Variants in SORBS2 observed in about 807,000 individuals in gnomAD.
The protein encoded by SORBS2 is sorbin and SH3 domain-containing protein 2.
Under a neutral mutation model 97.7 loss-of-function variants are expected in SORBS2, and 46 were observed. That is an observed-to-expected ratio of 0.47 (90% CI 0.37 to 0.60). The LOEUF is 0.60. SORBS2 is among the 20% of genes least tolerant of loss of function. The pLI is 0.00. For synonymous variants in SORBS2, 476 were observed against 473.4 expected, an observed-to-expected ratio of 1.01 and a Z score of -0.07; for missense variants, 1,316 against 1,282.3, an observed-to-expected ratio of 1.03 and a Z score of -0.40.
chr4:185,941,918 C>A (rs986801426), intron 1 of SORBS2, among the ~76,000 whole-genome samples: 3 of 152,036 alleles, frequency 2.0e-5, no homozygotes. Context: ...GAGATCGAGA[C>A]CAGCCTGGCC....
At chr4:185,780,422 G>A (rs1026289224) in intron 1 of SORBS2, among the ~76,000 whole-genome samples, 4 of 152,148 alleles carry the variant, frequency 2.6e-5, no homozygotes, top group African/African-American at 7.2e-5. Context: ...GCAAGCATCC[G>A]TCGGGTCATC....
chr4:185,925,747 T>C (rs2099263302), intron 1 of SORBS2, among the ~76,000 whole-genome samples: 1 of 152,126 alleles, frequency 6.6e-6, no homozygotes. Flanking sequence ...TTACCTCCTC[T>C]CAGAGTTACG....
At chr4:185,856,760 A>T (rs2099220741) in intron 1 of SORBS2, among the ~76,000 whole-genome samples, 1 of 152,154 alleles carries the variant, frequency 6.6e-6, no homozygotes, top group Non-Finnish European at 1.5e-5. Flanking sequence ...TTTATAAAGG[A>T]AAGAGGTTTA....
rs72052066 is a variant in SORBS2, at chr4:185,952,031, CT to C, written c.-338+4164del. The stretch of plus-strand genomic sequence containing the variant: ...TGGTAGAAGAAAGTTAAAATAGCTT[CT>C]TTTTTTTTTTTTTGATAGAGTCTCA... On this transcript the variant is annotated intron_variant, in intron 1 of 20. Transcript: ENST00000284776. Among the ~76,000 whole-genome samples, 298 of 127,546 alleles carry C rather than the reference CT, an allele frequency of 2.3e-3. 1 individual carries two copies. The highest frequency in any genetic ancestry group is 0.012 in the East Asian group (62 of 5,002). 83.7% of individuals were successfully genotyped at this position (127,546 alleles called of 152,430 possible). A position where few individuals can be genotyped will look rare whatever the true frequency, so the allele number is the denominator to read the frequency against.
intron 1 of SORBS2, among the ~76,000 whole-genome samples, chr4:185,887,323 C>T (rs2099240177): frequency 1.3e-5 from 2 of 152,190 alleles, no homozygotes; most frequent in South Asian, 2.1e-4. Context: ...AGCGAAATTA[C>T]AGTGTTTGAA....
At chr4:185,932,256 A>G (rs190228938) in intron 1 of SORBS2, among the ~76,000 whole-genome samples, 36 of 151,764 alleles carry the variant, frequency 2.4e-4, no homozygotes, top group Admixed American at 1.2e-3. Context: ...CAGTGGAGGG[A>G]AAAAAGGATG....
chr4:185,619,988 G>A (rs116474135), intron 8 of SORBS2, 75 bp downstream of exon 20: 16,922 of 882,158 alleles, frequency 0.019, 219 homozygotes, highest in Non-Finnish European at 0.024. Context: ...TTACTGGTTT[G>A]GGATAATTTT....
chr4:185,864,866 G>C (rs1869622), intron 1 of SORBS2, among the ~76,000 whole-genome samples: 59,508 of 150,586 alleles, frequency 0.4, 13,102 homozygotes, highest in African/African-American at 0.59. Flanking sequence ...GAGCTGAGAC[G>C]AAGCCACTGC....
chr4:185,852,218 A>T (rs1353931510), intron 1 of SORBS2, among the ~76,000 whole-genome samples: 16 of 152,196 alleles, frequency 1.1e-4, no homozygotes. Flanking sequence ...TATTTTTTAC[A>T]TTCTAACACA....
chr4:185,839,569 G>A (rs1369214556), intron 1 of SORBS2, among the ~76,000 whole-genome samples: 1 of 152,160 alleles, frequency 6.6e-6, no homozygotes, highest in Non-Finnish European at 1.5e-5. Flanking sequence ...AGGAGGCCTG[G>A]GGAGAGCTTA....
At chr4:185,657,647 T>C (rs1219012828), upstream of SORBS2, 14 of 1,510,026 alleles carry the variant, frequency 9.3e-6, no homozygotes, top group Non-Finnish European at 1.2e-5. Context: ...CAGGGAATCA[T>C]AAATTCATGT....
chr4:185,887,560 A>T (rs1313772229), intron 1 of SORBS2, among the ~76,000 whole-genome samples: 2 of 152,226 alleles, frequency 1.3e-5, no homozygotes, highest in Admixed American at 1.3e-4. Flanking sequence ...ATTTTGTGGT[A>T]TGTTAAAAAT....
intron 1 of SORBS2, among the ~76,000 whole-genome samples, chr4:185,870,431 G>C (rs1167636106): frequency 6.6e-6 from 1 of 152,204 alleles, no homozygotes; most frequent in East Asian, 1.9e-4. Flanking sequence ...AGGCTTATTT[G>C]AAATAATTGG....
exon 7 of SORBS2, chr4:185,624,184 C>T (rs2096770128): frequency 6.2e-7 from 1 of 1,614,256 alleles, no homozygotes; most frequent in East Asian, 2.2e-5. Context: ...TGGAGTCCTC[C>T]TCACATAACA....
At chr4:185,951,841 T>G (rs2099277356) in intron 1 of SORBS2, among the ~76,000 whole-genome samples, 1 of 152,184 alleles carries the variant, frequency 6.6e-6, no homozygotes, top group Admixed American at 6.6e-5. Context: ...ATCGGGTTAG[T>G]GAGTTGAACA....
intron 1 of SORBS2, among the ~76,000 whole-genome samples, chr4:185,918,847 T>C (rs2099259584): frequency 6.6e-6 from 1 of 152,244 alleles, no homozygotes; most frequent in African/African-American, 2.4e-5. Flanking sequence ...TAGATGTTCA[T>C]GAAGATTTAC....
At chr4:185,825,209 TTTG>T (rs1439782434) in intron 1 of SORBS2, among the ~76,000 whole-genome samples, 4 of 81,996 alleles carry the variant, frequency 4.9e-5, no homozygotes, top group African/African-American at 9.2e-5. Flanking sequence ...TGTTCTGTTT[TTTG>T]TTTTTTTTTT....
rs2099155585 is a variant in SORBS2, at chr4:185,806,489, GCT to G, written c.-337-31125_-337-31124del. On this transcript the variant is annotated intron_variant, in intron 1 of 20. Coordinates refer to the SORBS2 transcript ENST00000284776. ...TTTTTTTTTTTTGAGACGGAGTCTCGCTCTGTCGCCCAGGCTGGAGTGCAGTG... is the reference window on the plus strand; with the variant it reads ...TTTTTTTTTTTTGAGACGGAGTCTCGCTGTCGCCCAGGCTGGAGTGCAGTG... 4.3e-5 allele frequency among the ~76,000 whole-genome samples: 5 copies of G among 115,486 alleles called. No individual in the cohort carries two copies. In the Admixed American group the frequency reaches 5.5e-4, roughly 13 times the overall value. 75.8% of individuals were successfully genotyped at this position (115,486 alleles called of 152,430 possible).
At chr4:185,769,479 A>C (rs1253809310) in intron 2 of SORBS2, among the ~76,000 whole-genome samples, 1 of 152,132 alleles carries the variant, frequency 6.6e-6, no homozygotes, top group African/African-American at 2.4e-5. Flanking sequence ...GTGAGTACTT[A>C]ACAGTAGAAA....
Sources: allele counts gnomAD v4.1 joint callset (sites outside exome capture counted in the v4.1 genomes callset), GRCh38; gene constraint gnomAD v4.1.1; transcripts MANE v1.5; gene names NCBI Gene and HGNC (gene_info 2026-07-23, HGNC 2026-07-21).